Variants in EFR3B observed in about 807,000 individuals in gnomAD.
The protein encoded by EFR3B is EFR3 homolog B, also known as protein EFR3 homolog B.
A neutral mutation model predicts 104.7 loss-of-function variants in EFR3B; 64 were observed. The ratio of observed to expected loss-of-function variants is 0.61; its 90% CI spans 0.50 to 0.75. The LOEUF (loss-of-function observed/expected upper bound fraction) is 0.75, where lower values mean the gene tolerates loss of function less well. Among genes scored for constraint, EFR3B ranks in the 30% least tolerant of loss-of-function variants. The pLI, the probability that EFR3B is intolerant of heterozygous loss-of-function variation, is 0.00. For synonymous variants in EFR3B, 385 were observed against 417.9 expected, an observed-to-expected ratio of 0.92 and a Z score of 0.96; for missense variants, 750 against 1,078.5, an observed-to-expected ratio of 0.70 and a Z score of 4.27.
At chr2:25,113,192 A>T (rs572723336) in intron 4 of EFR3B, among the ~76,000 whole-genome samples, 1 of 152,156 alleles carries the variant, frequency 6.6e-6, no homozygotes, top group Admixed American at 6.5e-5. Context: ...GTTTTTTGCT[A>T]TGGCGACTTT....
intron 1 of EFR3B, among the ~76,000 whole-genome samples, chr2:25,054,996 A>G (rs1430866842): frequency 6.6e-6 from 1 of 152,264 alleles, no homozygotes; most frequent in Non-Finnish European, 1.5e-5. Context: ...CTAAATTCGT[A>G]TGCATGACTA....
Position 25,154,307 on chromosome 2 carries a change from T to C in EFR3B, c.2421T>C (p.Tyr807=), listed in dbSNP as rs2164808. 0.6 allele frequency: 927,543 copies of C among 1,551,756 alleles called. 286,432 individuals are homozygous for C. Among genetic ancestry groups the C allele is most frequent in the East Asian group, 0.98 (40,248 of 40,912 alleles). Residue 807 remains tyrosine (Y), a synonymous_variant, in exon 23 of 23, where the codon TAT becomes TAC. Transcript: ENST00000403714. This position sits in a 1 kb window ranked among gnomAD's most constrained non-coding sequence, Gnocchi z 4.1. ...GQPQNHSIPV[Y]EMKFPDLCVY ...CGCAGAACCACTCCATCCCCGTCTA[T>C]GAAATGAAGTTTCCCGATCTGTGTG...
chr2:25,131,661 G>A lies in EFR3B; in HGVS notation c.986-89G>A, dbSNP rs1670338616. 6.7e-7 allele frequency: 1 copy of A among 1,483,788 alleles called. No homozygotes were observed. Among genetic ancestry groups the A allele is most frequent in the African/African-American group, 1.4e-5 (1 of 71,386 alleles). The allele number at this position is 1,483,788 out of a possible 1,614,324, so 91.9% of individuals were successfully genotyped here. A position where few individuals can be genotyped will look rare whatever the true frequency, so the allele number is the denominator to read the frequency against. On this transcript the variant is annotated intron_variant, in intron 9 of 22. Transcript: ENST00000403714. The surrounding 1 kb of genome is among the most constrained non-coding windows in gnomAD (Gnocchi z 7.6). ...GCGCAGAGGAAGCCCAGGCTGGAAG[G>A]GGGCGTGACCCTGCCCTGCCTGCGC...
chr2:25,133,441 C>G lies in EFR3B; in HGVS notation c.1311+7C>G. ...GCTAAAATCCCTCCTGCAGGTGAGC[C>G]CCATCTATCCCCATTCCTGCTCTTC... On this transcript the variant is annotated splice_region_variant and intron_variant, in intron 12 of 22. Transcript: ENST00000403714. 2 of 1,552,378 alleles carry G rather than the reference C, an allele frequency of 1.3e-6. No homozygotes were observed. Among genetic ancestry groups the G allele is most frequent in the Non-Finnish European group, 1.7e-6 (2 of 1,147,130 alleles).
chr2:25,101,797 G>C (rs1669438379), intron 3 of EFR3B, among the ~76,000 whole-genome samples: 1 of 152,200 alleles, frequency 6.6e-6, no homozygotes, highest in South Asian at 2.1e-4. Context: ...TTTTAGGGGA[G>C]ACATCTAGCA....
At chr2:25,068,022 CA>C (rs1261981807) in intron 1 of EFR3B, among the ~76,000 whole-genome samples, 3 of 152,040 alleles carry the variant, frequency 2.0e-5, no homozygotes, top group African/African-American at 7.2e-5. Flanking sequence ...TGTTTCCAAA[CA>C]AAGGCACCAG....
Position 25,128,358 on chromosome 2 carries a change from C to T in EFR3B, c.635+26C>T, listed in dbSNP as rs909242281. 7.7e-6 allele frequency: 12 copies of T among 1,551,052 alleles called. No homozygotes were observed. In the Admixed American group the frequency reaches 1.4e-4, roughly 18 times the overall value. ...GTAAGCAGGCCGGGATGGGGCAGGA[C>T]AGTAGATATAATCAACCCTCCAAGG... On this transcript the variant is annotated intron_variant, in intron 6 of 22. Coordinates refer to ENST00000403714, the MANE Select transcript of EFR3B (RefSeq NM_014971.2).
intron 18 of EFR3B, among the ~76,000 whole-genome samples, chr2:25,144,499 G>A (rs535285997): frequency 5.5e-4 from 84 of 152,056 alleles, no homozygotes; most frequent in African/African-American, 2.0e-3. Flanking sequence ...AGCCAAGATC[G>A]CGCCATTGCA....
chr2:25,143,520 C>T (rs756531024), intron 17 of EFR3B, among the ~76,000 whole-genome samples: 33 of 151,820 alleles, frequency 2.2e-4, no homozygotes, highest in Non-Finnish European at 2.9e-4. Context: ...ATTAGCCTGG[C>T]GTGGTGGCAG....
chr2:25,084,991 G>A, intron 1 of EFR3B, among the ~76,000 whole-genome samples: 1 of 152,170 alleles, frequency 6.6e-6, no homozygotes, highest in Non-Finnish European at 1.5e-5. Context: ...ACAGGTTGTT[G>A]TAAGGATTAC....
intron 1 of EFR3B, among the ~76,000 whole-genome samples, chr2:25,068,065 G>C (rs944813309): frequency 5.9e-5 from 9 of 152,028 alleles, no homozygotes; most frequent in Admixed American, 3.9e-4. Context: ...CTGTGCATAC[G>C]AGCAGGTGCA....
chr2:25,060,512 G>C (rs887356994), intron 1 of EFR3B, among the ~76,000 whole-genome samples: 1 of 152,108 alleles, frequency 6.6e-6, no homozygotes, highest in Non-Finnish European at 1.5e-5. Context: ...GTCTGCTACT[G>C]TGTTTTGTGA....
rs544250018 is a variant in EFR3B at position 25,081,298 on chromosome 2, C to A, written c.8-10027C>A. 1.2e-4 allele frequency: 109 copies of A among 946,182 alleles called. No individual in the cohort carries two copies. The South Asian group carries it at 1.5e-3, about 13-fold the overall frequency. The allele number at this position is 946,182 out of a possible 1,614,324, so 58.6% of individuals were successfully genotyped here. On this transcript the variant is annotated intron_variant, in intron 1 of 22. Coordinates refer to ENST00000403714, the MANE Select transcript of EFR3B (RefSeq NM_014971.2). Reference sequence around the variant, plus strand: ...CCTTTTCCTCGACCATCAGCTGAAACCTGCGCCTTCATCTCAACTTCTTTT... The same window carrying A: ...CCTTTTCCTCGACCATCAGCTGAAAACTGCGCCTTCATCTCAACTTCTTTT...
In EFR3B at chr2:25,137,224, G is replaced by C; in HGVS notation, c.1561-117G>C. 8.4e-7 allele frequency: 1 copy of C among 1,192,496 alleles called. No individual in the cohort carries two copies. Among genetic ancestry groups the C allele is most frequent in the Non-Finnish European group, 1.2e-6 (1 of 851,970 alleles). 73.9% of individuals were successfully genotyped at this position (1,192,496 alleles called of 1,614,324 possible). On this transcript the variant is annotated intron_variant, in intron 14 of 22. Transcript: ENST00000403714. The surrounding 1 kb of genome is among the most constrained non-coding windows in gnomAD (Gnocchi z 4.7). ...GCTTTAAAGGCATCCCCTCCCCAAG[G>C]GAGGAGGGGGCACACAGCCATCCTG...
rs3820935 is a variant in EFR3B at position 25,152,369 on chromosome 2, C to T, written c.2298+349C>T. On this transcript the variant is annotated intron_variant, in intron 21 of 22. Transcript: ENST00000403714. ...CTCACTGTGGTCCTGACAGCAGGCA[C>T]GTGAACAGCACTCACTGCGGATGAC... 0.012 allele frequency among the ~76,000 whole-genome samples: 1,878 copies of T among 152,328 alleles called. 175 individuals are homozygous for T. The East Asian group carries it at 0.23, about 19-fold the overall frequency.
At position 25,153,759 on chromosome 2, in the gene EFR3B, C is replaced by T. The variant is rs537929562; in HGVS notation, c.2346C>T (p.Ile782=). ...TCAATCAGATCTTTGAAATCACCAT[C>T]CGGTAAGTGACAACCCTGGGCAGGG... ...SKLNQIFEIT[I]RPPPSPSGTI... The change falls in exon 22 of 23, where the codon ATC becomes ATT. Residue 782 remains isoleucine (I), a splice_region_variant and synonymous_variant. Coordinates refer to ENST00000403714, the MANE Select transcript of EFR3B (RefSeq NM_014971.2). The T allele has an allele frequency of 3.9e-6, 6 of 1,551,730 alleles. No homozygotes were observed. In the Admixed American group the frequency reaches 1.2e-4, roughly 30 times the overall value.
chr2:25,149,695 G>A lies in EFR3B; in HGVS notation c.2144G>A (p.Arg715Gln), dbSNP rs777702211. ...GCATCTCTGTCCCTTCTCCTTCAGCGAGTGCCTGCCGAGGAGATCACCTAT... is the reference window on the plus strand; with the variant it reads ...GCATCTCTGTCCCTTCTCCTTCAGCAAGTGCCTGCCGAGGAGATCACCTAT... ...ESRNSPEKEERVPAEEITYET... is the reference protein window; with the variant it reads ...ESRNSPEKEEQVPAEEITYET... The change falls in exon 20 of 23, where the codon CGA (arginine) becomes CAA (glutamine). Residue 715 changes from arginine to glutamine, a missense_variant and splice_region_variant. Physicochemically the swap from Arg to Gln is conservative, Grantham distance 43. Transcript: ENST00000403714. The A allele has an allele frequency of 1.6e-4, 244 of 1,551,384 alleles. No homozygotes were observed. The highest frequency in any genetic ancestry group is 2.0e-4 in the Non-Finnish European group (231 of 1,146,848).
In EFR3B at chr2:25,137,649, T is replaced by G; in HGVS notation, c.1722+147T>G. ...GTACTCGTGGTTGGCCACGCCTCCC[T>G]GAAGACCCCAAACCATGGTCCTGTT... On this transcript the variant is annotated intron_variant, in intron 15 of 22. Transcript: ENST00000403714. This position sits in a 1 kb window ranked among gnomAD's most constrained non-coding sequence, Gnocchi z 4.7. 1.7e-6 allele frequency: 2 copies of G among 1,167,522 alleles called. No individual in the cohort carries two copies. Among genetic ancestry groups the G allele is most frequent in the South Asian group, 3.1e-5 (2 of 64,844 alleles). The allele number at this position is 1,167,522 out of a possible 1,614,324, so 72.3% of individuals were successfully genotyped here. A position where few individuals can be genotyped will look rare whatever the true frequency, so the allele number is the denominator to read the frequency against.
In EFR3B at chr2:25,131,547, G is replaced by C. The variant is rs1172751817; in HGVS notation, c.985+44G>C. 5.2e-6 allele frequency: 8 copies of C among 1,544,094 alleles called. No homozygotes were observed. The highest frequency in any genetic ancestry group is 7.0e-6 in the Non-Finnish European group (8 of 1,144,020). Reference sequence around the variant, plus strand: ...GCCTGAGGGCCGGGGACCCCGCGGAGGCTGCCGCCTCTTACAGAGAGAGGC... The same window carrying C: ...GCCTGAGGGCCGGGGACCCCGCGGACGCTGCCGCCTCTTACAGAGAGAGGC... On this transcript the variant is annotated intron_variant, in intron 9 of 22. Coordinates refer to ENST00000403714, the MANE Select transcript of EFR3B (RefSeq NM_014971.2). The surrounding 1 kb of genome is among the most constrained non-coding windows in gnomAD (Gnocchi z 7.6).
Sources: gnomAD v4.1 joint callset for allele counts (sites outside exome capture counted in the v4.1 genomes callset) on GRCh38, gnomAD v4.1.1 for gene constraint, Gnocchi (gnomAD v3.1) non-coding constraint, MANE v1.5 for transcripts, NCBI Gene and HGNC (gene_info 2026-07-23, HGNC 2026-07-21) for gene names.